The following PPP2R5A variants were observed in gnomAD, a reference collection of about 807,000 sequenced individuals.
PPP2R5A encodes serine/threonine-protein phosphatase 2A 56 kDa regulatory subunit alpha isoform.
In PPP2R5A, 25 loss-of-function variants were observed where a neutral mutation model predicts 64.2. The observed-to-expected ratio is 0.39, with a 90% CI of 0.28 to 0.54. PPP2R5A has a LOEUF of 0.54. PPP2R5A is among the 20% of genes least tolerant of loss of function. The probability of loss-of-function intolerance (pLI) is 0.67; values close to 1 mark genes in which losing one functional copy is unlikely to be tolerated. For synonymous variants in PPP2R5A, 198 were observed against 201.2 expected (o/e 0.98, Z 0.13); for missense variants, 425 against 576.3 (o/e 0.74, Z 2.69).
chr1:212,345,761 T>G, intron 4 of PPP2R5A, 42 bp from the exon 5 acceptor site: 8 of 1,564,944 alleles, frequency 5.1e-6, no homozygotes, highest in Non-Finnish European at 6.9e-6. Context: ...AAGCTTTAGC[T>G]CGATTATTTT....
chr1:212,316,587 C>CTTTTTTTTTTT (rs751228809), intron 1 of PPP2R5A, among the ~76,000 whole-genome samples: 417 of 36,642 alleles, frequency 0.011, 51 homozygotes, highest in Middle Eastern at 0.045. Flanking sequence ...TTGTGGGTGA[C>CTTTTTTTTTTT]TTTTTTTTTT....
intron 1 of PPP2R5A, chr1:212,301,753 G>C (rs1397933464): frequency 1.0e-6 from 1 of 985,714 alleles, no homozygotes; most frequent in African/African-American, 1.7e-5. Context: ...TCTTAAATTA[G>C]AATCTTGGAT....
At chr1:212,322,267 A>AGGGAGC (rs1659319550) in intron 1 of PPP2R5A, among the ~76,000 whole-genome samples, 1 of 141,056 alleles carries the variant, frequency 7.1e-6, no homozygotes, top group Admixed American at 7.0e-5. Context: ...GAGGGAGAGG[A>AGGGAGC]GGGAGAGGGA....
chr1:212,313,534 T>C (rs1208557708), intron 1 of PPP2R5A, among the ~76,000 whole-genome samples: 1 of 152,156 alleles, frequency 6.6e-6, no homozygotes, highest in Admixed American at 6.5e-5. Flanking sequence ...TTTTGTACAT[T>C]CTGTATACCA....
chr1:212,335,475 CAAAAAAA>C (rs71573833), intron 3 of PPP2R5A, among the ~76,000 whole-genome samples: 2 of 100,980 alleles, frequency 2.0e-5, no homozygotes, highest in South Asian at 2.8e-4. Flanking sequence ...AACTCCGGCT[CAAAAAAA>C]AAAAAAGAAA....
intron 1 of PPP2R5A, among the ~76,000 whole-genome samples, chr1:212,291,813 A>G (rs932432459): frequency 1.3e-5 from 2 of 152,224 alleles, no homozygotes; most frequent in African/African-American, 2.4e-5. Flanking sequence ...AAGCCCAACT[A>G]TTATTTGATG....
rs58843897 is a variant in PPP2R5A, at chr1:212,317,425, T to C, written c.182-11710T>C. 7.6e-3 allele frequency among the ~76,000 whole-genome samples: 1,160 copies of C among 152,388 alleles called. 15 individuals are homozygous for C. Among genetic ancestry groups the C allele is most frequent in the African/African-American group, 0.026 (1,093 of 41,586 alleles). On this transcript the variant is annotated intron_variant, in intron 1 of 12. Transcript: ENST00000261461. ...TTCAGTACAAATTTGCTTTATGATCTTGGGCATGCTGTGTAGTGTGGGATC... is the reference window on the plus strand; with the variant it reads ...TTCAGTACAAATTTGCTTTATGATCCTGGGCATGCTGTGTAGTGTGGGATC...
At chr1:212,286,435 C>G in intron 1 of PPP2R5A, 144 bp downstream of exon 1, 2 of 869,292 alleles carry the variant, frequency 2.3e-6, no homozygotes, top group Non-Finnish European at 1.6e-6. Flanking sequence ...AATGCCTTGG[C>G]GTCACCTCAC....
chr1:212,311,420 C>T (rs888781884), intron 1 of PPP2R5A, among the ~76,000 whole-genome samples: 1 of 151,568 alleles, frequency 6.6e-6, no homozygotes, highest in Non-Finnish European at 1.5e-5. Context: ...GAGCCATGAT[C>T]GTGCCACTGC....
intron 3 of PPP2R5A, among the ~76,000 whole-genome samples, chr1:212,337,447 T>TCC (rs1190518892): frequency 6.6e-6 from 1 of 152,122 alleles, no homozygotes; most frequent in African/African-American, 2.4e-5. Flanking sequence ...TAGAAGGCTT[T>TCC]TCTCTCTGGG....
intron 3 of PPP2R5A, among the ~76,000 whole-genome samples, chr1:212,337,215 G>A (rs968275872): frequency 1.3e-5 from 2 of 152,032 alleles, no homozygotes; most frequent in Non-Finnish European, 2.9e-5. Context: ...TCTTTCCTAA[G>A]TATTATTGCT....
chr1:212,287,416 G>T (rs1390073860), intron 1 of PPP2R5A, among the ~76,000 whole-genome samples: 1 of 152,016 alleles, frequency 6.6e-6, no homozygotes, highest in Non-Finnish European at 1.5e-5. Flanking sequence ...TTTGTCTTTG[G>T]GCCTGTGAAT....
chr1:212,304,653 T>C (rs1658862927), intron 1 of PPP2R5A, among the ~76,000 whole-genome samples: 1 of 151,678 alleles, frequency 6.6e-6, no homozygotes, highest in Non-Finnish European at 1.5e-5. Flanking sequence ...TCTTAACTCC[T>C]GGCCTCAAAG....
Position 212,286,119 on chromosome 1 carries a change from G to C in PPP2R5A, c.9G>C (p.Ser3=). 6.4e-7 allele frequency: 1 copy of C among 1,573,926 alleles called. No homozygotes were observed. Among genetic ancestry groups the C allele is most frequent in the Non-Finnish European group, 8.6e-7 (1 of 1,163,624 alleles). MS[S]SSPPAGAASA... Reference sequence around the variant, plus strand: ...GCGTCAGGGCCGCGGAGATGTCGTCGTCGTCGCCGCCGGCGGGGGCTGCCA... The same window carrying C: ...GCGTCAGGGCCGCGGAGATGTCGTCCTCGTCGCCGCCGGCGGGGGCTGCCA... Residue 3 remains serine (S), a synonymous_variant, in exon 1 of 13, where the codon TCG becomes TCC. Transcript: ENST00000261461.
At chr1:212,311,127 CAT>C (rs1328973747) in intron 1 of PPP2R5A, among the ~76,000 whole-genome samples, 1 of 152,144 alleles carries the variant, frequency 6.6e-6, no homozygotes, top group Non-Finnish European at 1.5e-5. Flanking sequence ...GCATGACTCA[CAT>C]GTTTATGGTG....
chr1:212,320,254 G>A (rs1050117102), intron 1 of PPP2R5A, among the ~76,000 whole-genome samples: 2 of 152,072 alleles, frequency 1.3e-5, no homozygotes, highest in Non-Finnish European at 2.9e-5. Context: ...GAGAGCACAG[G>A]GTTGGGGGTA....
chr1:212,351,960 A>C (rs1025622210), intron 8 of PPP2R5A, among the ~76,000 whole-genome samples: 4 of 141,754 alleles, frequency 2.8e-5, no homozygotes, highest in Non-Finnish European at 6.4e-5. Context: ...TAATTTTTTT[A>C]TTTTTCTTTT....
At chr1:212,328,776 T>A (rs144137827) in intron 1 of PPP2R5A, among the ~76,000 whole-genome samples, 1 of 152,224 alleles carries the variant, frequency 6.6e-6, no homozygotes, top group African/African-American at 2.4e-5. Context: ...TTCAAATATG[T>A]TAAAGACGCC....
intron 1 of PPP2R5A, among the ~76,000 whole-genome samples, chr1:212,323,274 A>C (rs112617107): frequency 6.6e-6 from 1 of 152,172 alleles, no homozygotes; most frequent in Non-Finnish European, 1.5e-5. Context: ...ACTTGCTTCT[A>C]ATCTTTTGAA....
Sources: gnomAD v4.1 joint callset for allele counts (sites outside exome capture counted in the v4.1 genomes callset) on GRCh38, gnomAD v4.1.1 for gene constraint, MANE v1.5 for transcripts, NCBI Gene and HGNC (gene_info 2026-07-23, HGNC 2026-07-21) for gene names.